Variants in GNAQ observed in about 807,000 individuals in gnomAD.
The protein encoded by GNAQ is G protein subunit alpha q, also known as guanine nucleotide-binding protein G(q) subunit alpha.
A neutral mutation model predicts 43.9 loss-of-function variants in GNAQ; 8 were observed. The ratio of observed to expected loss-of-function variants is 0.18; its 90% CI spans 0.11 to 0.33. The LOEUF is 0.33. GNAQ is among the 10% of genes least tolerant of loss of function. The probability of loss-of-function intolerance (pLI) is 1.00; values close to 1 mark genes in which losing one functional copy is unlikely to be tolerated. For synonymous variants in GNAQ, 155 were observed against 170.7 expected (o/e 0.91, Z 0.71); for missense variants, 158 against 450.8 (o/e 0.35, Z 5.88).
chr9:77,751,147 G>T (rs574400134), intron 5 of GNAQ, among the ~76,000 whole-genome samples: 2 of 152,262 alleles, frequency 1.3e-5, no homozygotes, highest in East Asian at 3.9e-4. Flanking sequence ...GAGCTATCAG[G>T]CATCTGCTTT....
intron 1 of GNAQ, among the ~76,000 whole-genome samples, chr9:77,981,233 T>C (rs1281335583): frequency 2.0e-5 from 3 of 152,222 alleles, no homozygotes; most frequent in Admixed American, 6.5e-5. Context: ...ACTGCCAATA[T>C]TCTGCCATAC....
chr9:77,894,115 G>C (rs2118120314), intron 2 of GNAQ, among the ~76,000 whole-genome samples: 1 of 151,768 alleles, frequency 6.6e-6, no homozygotes, highest in African/African-American at 2.4e-5. Context: ...AACAAAGCTA[G>C]CATTCCAATC....
chr9:77,874,109 A>C (rs577391095), intron 2 of GNAQ, among the ~76,000 whole-genome samples: 3,827 of 148,184 alleles, frequency 0.026, 117 homozygotes, highest in African/African-American at 0.055. Flanking sequence ...CATCTCAAAA[A>C]AAAAAAACAA....
chr9:77,972,532 A>G (rs7031436), intron 1 of GNAQ, among the ~76,000 whole-genome samples: 10,024 of 152,258 alleles, frequency 0.066, 1,155 homozygotes, highest in African/African-American at 0.23. Context: ...CTTTTCCATA[A>G]TAAGTAAGTA....
intron 3 of GNAQ, among the ~76,000 whole-genome samples, chr9:77,798,020 G>GT (rs1226529341): frequency 6.6e-6 from 1 of 152,206 alleles, no homozygotes; most frequent in Non-Finnish European, 1.5e-5. Flanking sequence ...ACAACAGAGA[G>GT]TTGCACATAA....
chr9:77,763,137 CAAA>C (rs1826079008), intron 5 of GNAQ, among the ~76,000 whole-genome samples: 1 of 126,426 alleles, frequency 7.9e-6, no homozygotes, highest in Non-Finnish European at 1.6e-5. Flanking sequence ...AACAAACAAA[CAAA>C]CAAAAAAAAA....
intron 5 of GNAQ, among the ~76,000 whole-genome samples, chr9:77,740,187 G>GT (rs1185073265): frequency 1.3e-5 from 2 of 152,212 alleles, no homozygotes. Flanking sequence ...TGATAGGGTG[G>GT]TATCAGTGGA....
At chr9:77,915,756 C>G (rs1472297989) in intron 2 of GNAQ, among the ~76,000 whole-genome samples, 1 of 152,190 alleles carries the variant, frequency 6.6e-6, no homozygotes, top group African/African-American at 2.4e-5. Flanking sequence ...CCCTTTACTT[C>G]TTTCCACTCC....
rs149046601 is a variant in GNAQ at position 77,728,628 on chromosome 9, T to C, written c.775A>G (p.Ile259Val). The C allele has an allele frequency of 6.2e-7, 1 of 1,602,740 alleles. No individual in the cohort carries two copies. Among genetic ancestry groups the C allele is most frequent in the African/African-American group, 1.3e-5 (1 of 74,274 alleles). ...EESKALFRTI[I>V]TYPWFQNSSV... Reference sequence around the variant, plus strand: ...GAGTTCTGGAACCAGGGGTATGTGATAATTGTTCTAAAGAGAGCCTTGCTT... The same window carrying C: ...GAGTTCTGGAACCAGGGGTATGTGACAATTGTTCTAAAGAGAGCCTTGCTT... The change falls in exon 6 of 7, where the codon ATC becomes GTC. Residue 259 changes from isoleucine (I) to valine (V), a missense_variant. By Grantham distance (29) the Ile-to-Val change is conservative (BLOSUM62 3). Transcript: ENST00000286548.
At chr9:77,785,777 C>T (rs1826467466) in intron 5 of GNAQ, among the ~76,000 whole-genome samples, 1 of 152,050 alleles carries the variant, frequency 6.6e-6, no homozygotes, top group African/African-American at 2.4e-5. Context: ...AGACATAATA[C>T]AGAATTTTGT....
Position 77,900,750 on chromosome 9 carries a change from T to TC in GNAQ, c.321+21410_321+21411insG, listed in dbSNP as rs146504912. On this transcript the variant is annotated intron_variant, in intron 2 of 6. Coordinates refer to ENST00000286548, the MANE Select transcript of GNAQ (RefSeq NM_002072.5). The stretch of plus-strand genomic sequence containing the variant: ...CACAATCCTTACTCCCATTCTCCAC[T>TC]TACTTACCCTTCTTTCTTGGCAGAA... Among the ~76,000 whole-genome samples the TC allele has an allele frequency of 4.1e-3, 631 of 152,202 alleles. 4 individuals are homozygous for TC. The highest frequency in any genetic ancestry group is 0.015 in the African/African-American group (604 of 41,524).
At chr9:77,870,226 T>A (rs1325675503) in intron 2 of GNAQ, among the ~76,000 whole-genome samples, 3 of 152,066 alleles carry the variant, frequency 2.0e-5, no homozygotes, top group African/African-American at 4.8e-5. Context: ...CTTTTGGGGA[T>A]AATTTAGTTA....
chr9:77,794,703 G>T (rs1162006210), intron 4 of GNAQ, 111 bp from the exon 5 acceptor site: 2 of 565,756 alleles, frequency 3.5e-6, no homozygotes, highest in East Asian at 3.0e-5. Context: ...GAATGACGAT[G>T]ATCATCCAAG....
At chr9:77,776,807 A>T (rs73451800) in intron 5 of GNAQ, among the ~76,000 whole-genome samples, 105 of 152,172 alleles carry the variant, frequency 6.9e-4, no homozygotes, top group African/African-American at 2.4e-3. Context: ...TTCAGGTGGC[A>T]GTATTCCCCA....
chr9:77,777,884 T>C (rs1338545665), intron 5 of GNAQ, among the ~76,000 whole-genome samples: 1 of 151,988 alleles, frequency 6.6e-6, no homozygotes, highest in African/African-American at 2.4e-5. Context: ...TAAAATGGTA[T>C]AGCCACATTA....
chr9:77,923,994 T>A (rs768687105), intron 1 of GNAQ, among the ~76,000 whole-genome samples: 34 of 152,212 alleles, frequency 2.2e-4, no homozygotes, highest in Non-Finnish European at 3.8e-4. Flanking sequence ...TGACTGCAGA[T>A]GTCTTGGTAA....
chr9:77,990,179 A>G (rs977317579), intron 1 of GNAQ, among the ~76,000 whole-genome samples: 2 of 152,208 alleles, frequency 1.3e-5, no homozygotes, highest in African/African-American at 4.8e-5. Context: ...TCAGTGCCTC[A>G]TGGAATTGGA....
At chr9:77,861,528 C>T (rs1054023839) in intron 2 of GNAQ, among the ~76,000 whole-genome samples, 22 of 152,208 alleles carry the variant, frequency 1.4e-4, no homozygotes, top group African/African-American at 5.1e-4. Flanking sequence ...AAGTTAGTTA[C>T]TTCCTAGATA....
At chr9:78,006,331 C>T (rs889719509) in intron 1 of GNAQ, among the ~76,000 whole-genome samples, 1 of 152,122 alleles carries the variant, frequency 6.6e-6, no homozygotes, top group African/African-American at 2.4e-5. Flanking sequence ...AAGTATACTG[C>T]CCCCTGCCCC....
Sources: gnomAD v4.1 joint callset for allele counts (sites outside exome capture counted in the v4.1 genomes callset) on GRCh38, gnomAD v4.1.1 for gene constraint, MANE v1.5 for transcripts, NCBI Gene and HGNC (gene_info 2026-07-23, HGNC 2026-07-21) for gene names.